Variants in DYM observed in about 807,000 individuals in gnomAD.
The protein encoded by DYM is dymeclin.
Under a neutral mutation model 93.1 loss-of-function variants are expected in DYM, and 78 were observed. The observed-to-expected ratio is 0.84, with a 90% CI of 0.70 to 1.01. DYM has a LOEUF of 1.01. Among genes scored for constraint, DYM ranks in the 50% least tolerant of loss-of-function variants. The probability of loss-of-function intolerance (pLI) is 0.00; values close to 1 mark genes in which losing one functional copy is unlikely to be tolerated. For missense variants in DYM, 789 were observed against 845.0 expected (o/e 0.93, Z 0.82); for synonymous variants, 321 against 319.7 (o/e 1.00, Z -0.04).
intron 15 of DYM, among the ~76,000 whole-genome samples, chr18:49,133,399 T>A (rs1222092767): frequency 2.6e-5 from 4 of 152,210 alleles, no homozygotes; most frequent in Non-Finnish European, 2.9e-5. Flanking sequence ...TTTAGCCGCT[T>A]AAAACAACAC....
intron 17 of DYM, among the ~76,000 whole-genome samples, chr18:49,087,947 C>A (rs1166794048): frequency 6.6e-6 from 1 of 152,078 alleles, no homozygotes; most frequent in Non-Finnish European, 1.5e-5. Flanking sequence ...ATATCCTGTG[C>A]CTGCTTTTTG....
In DYM at chr18:49,163,679, A is replaced by T. The variant is rs1353169072; in HGVS notation, c.1728+6T>A. The T allele has an allele frequency of 1.3e-6, 2 of 1,594,824 alleles. No individual in the cohort carries two copies. The highest frequency in any genetic ancestry group is 3.4e-5 in the Admixed American group (2 of 59,648). On this transcript the variant is annotated splice_donor_region_variant and intron_variant, in intron 15 of 17. Coordinates refer to ENST00000675505, the MANE Select transcript of DYM (RefSeq NM_001353214.3). ...TTTTTTATTGATGAATAAGGTAACT[A>T]CTTACATAATCTGGTAGAGGAACAT...
chr18:49,192,357 G>C (rs1391038970), intron 14 of DYM, among the ~76,000 whole-genome samples: 1 of 152,110 alleles, frequency 6.6e-6, no homozygotes, highest in Non-Finnish European at 1.5e-5. Context: ...CAGACACAAT[G>C]TCATTTAGCT....
chr18:49,326,146 AT>A (rs561337601), intron 8 of DYM, among the ~76,000 whole-genome samples: 21 of 151,534 alleles, frequency 1.4e-4, no homozygotes, highest in African/African-American at 3.6e-4. Context: ...TACAACACAT[AT>A]TTTTTTTTAA....
At chr18:49,417,112 A>T (rs2073081224) in intron 2 of DYM, among the ~76,000 whole-genome samples, 1 of 152,108 alleles carries the variant, frequency 6.6e-6, no homozygotes, top group Non-Finnish European at 1.5e-5. Context: ...ACAAGAAGTC[A>T]CTTCTACCCA....
At chr18:49,176,468 T>C (rs949648933) in intron 14 of DYM, among the ~76,000 whole-genome samples, 3 of 151,876 alleles carry the variant, frequency 2.0e-5, no homozygotes, top group Non-Finnish European at 4.4e-5. Flanking sequence ...TAGAGTACAG[T>C]GGTGCAATCA....
chr18:49,367,927 C>T (rs560030799), intron 5 of DYM, among the ~76,000 whole-genome samples: 33 of 152,216 alleles, frequency 2.2e-4, no homozygotes, highest in Middle Eastern at 3.4e-3. Flanking sequence ...AAAAGACTCA[C>T]GGTAGAGTCT....
intron 13 of DYM, among the ~76,000 whole-genome samples, chr18:49,250,335 G>C (rs908879472): frequency 6.6e-6 from 1 of 152,216 alleles, no homozygotes; most frequent in Non-Finnish European, 1.5e-5. Flanking sequence ...TATGTTGTAA[G>C]TACCTACACT....
intron 6 of DYM, among the ~76,000 whole-genome samples, chr18:49,341,069 C>G (rs1188258322): frequency 6.6e-6 from 1 of 152,206 alleles, no homozygotes; most frequent in Admixed American, 6.5e-5. Context: ...TATTGCAGCA[C>G]TTCTGCTAAC....
At chr18:49,413,983 C>G (rs745706997) in intron 2 of DYM, among the ~76,000 whole-genome samples, 17 of 151,994 alleles carry the variant, frequency 1.1e-4, no homozygotes, top group Admixed American at 9.8e-4. Context: ...GCACTCCAGC[C>G]TGGACAACAG....
chr18:49,287,828 CAAAAAAAAAAAAA>C lies in DYM; in HGVS notation c.764-1225_764-1213del, dbSNP rs55895967. The stretch of plus-strand genomic sequence containing the variant: ...CCACAACAAGAGCGAAACTCCGTCT[CAAAAAAAAAAAAA>C]AAAAAAAAAAATGCACTGTCCAGTA... On this transcript the variant is annotated intron_variant, in intron 8 of 17. Coordinates refer to ENST00000675505, the MANE Select transcript of DYM (RefSeq NM_001353214.3). Among the ~76,000 whole-genome samples, 525 of 74,958 alleles carry C rather than the reference CAAAAAAAAAAAAA, an allele frequency of 7.0e-3. 3 individuals carry two copies. Among genetic ancestry groups the C allele is most frequent in the Non-Finnish European group, 0.011 (417 of 38,912 alleles). 49.2% of individuals were successfully genotyped at this position (74,958 alleles called of 152,430 possible).
intron 17 of DYM, among the ~76,000 whole-genome samples, chr18:49,069,499 A>C (rs1175449915): frequency 6.6e-6 from 1 of 152,212 alleles, no homozygotes; most frequent in East Asian, 1.9e-4. Context: ...TCTTTTTGGT[A>C]TATTTTCATG....
chr18:49,174,741 A>G (rs2089186118), intron 14 of DYM, among the ~76,000 whole-genome samples: 1 of 152,166 alleles, frequency 6.6e-6, no homozygotes, highest in African/African-American at 2.4e-5. Flanking sequence ...AGAAGATTGT[A>G]AAGACGTAAT....
At chr18:49,130,917 A>G (rs893620621) in intron 15 of DYM, among the ~76,000 whole-genome samples, 2 of 152,196 alleles carry the variant, frequency 1.3e-5, no homozygotes, top group Non-Finnish European at 2.9e-5. Flanking sequence ...TCAGCCTTGA[A>G]TCCCAGCTTT....
intron 2 of DYM, among the ~76,000 whole-genome samples, chr18:49,398,023 A>G (rs962054047): frequency 6.6e-6 from 1 of 152,200 alleles, no homozygotes; most frequent in African/African-American, 2.4e-5. Flanking sequence ...AAAATCATAT[A>G]TACACACAAA....
intron 2 of DYM, among the ~76,000 whole-genome samples, chr18:49,397,771 T>C (rs1029554221): frequency 3.9e-5 from 6 of 152,208 alleles, no homozygotes; most frequent in African/African-American, 1.4e-4. Context: ...AAGCATAAAA[T>C]ACACACCATA....
At chr18:49,091,201 C>T (rs1019897143) in intron 17 of DYM, among the ~76,000 whole-genome samples, 6 of 152,112 alleles carry the variant, frequency 3.9e-5, no homozygotes, top group African/African-American at 1.4e-4. Context: ...CCAGTATGTA[C>T]CAGGTACACT....
intron 17 of DYM, among the ~76,000 whole-genome samples, chr18:49,091,917 C>T (rs911195305): frequency 6.6e-6 from 1 of 151,850 alleles, no homozygotes; most frequent in African/African-American, 2.4e-5. Flanking sequence ...CCAGCCTTGA[C>T]ACATTATTTT....
intron 14 of DYM, among the ~76,000 whole-genome samples, chr18:49,200,539 A>T (rs1458407525): frequency 6.6e-6 from 1 of 151,802 alleles, no homozygotes; most frequent in East Asian, 1.9e-4. Flanking sequence ...TAATATTTTA[A>T]TGGCTGTATG....
Sources: allele counts gnomAD v4.1 joint callset (sites outside exome capture counted in the v4.1 genomes callset), GRCh38; gene constraint gnomAD v4.1.1; transcripts MANE v1.5; gene names NCBI Gene and HGNC (gene_info 2026-07-23, HGNC 2026-07-21).